AKAP4: variants seen among roughly 807,000 people sequenced by gnomAD.
The protein encoded by AKAP4 is A-kinase anchoring protein 4.
In AKAP4, 4 loss-of-function variants were observed where a neutral mutation model predicts 42.6. The ratio of observed to expected loss-of-function variants is 0.09; its 90% CI spans 0.05 to 0.22. AKAP4 has a LOEUF of 0.22. Ranked by LOEUF, AKAP4 falls within the 10% of genes least tolerant of loss-of-function variation. AKAP4 has a pLI of 1.00. For synonymous variants in AKAP4, 223 were observed against 233.0 expected, an observed-to-expected ratio of 0.96 and a Z score of 0.39; for missense variants, 551 against 630.7, an observed-to-expected ratio of 0.87 and a Z score of 1.35.
rs1196588116 is a variant in AKAP4, at chrX:50,193,373, G to A, written c.1340C>T (p.Ser447Leu). ...GGACCCAGCTTTTAAAGATGCATATGACAGACTCTGAGACTTAGTCTCCTT... is the reference window on the plus strand; with the variant it reads ...GGACCCAGCTTTTAAAGATGCATATAACAGACTCTGAGACTTAGTCTCCTT... ...EEKETKSQSLSYASLKAGSHD... is the reference protein window; with the variant it reads ...EEKETKSQSLLYASLKAGSHD... The change falls in exon 5 of 6, where the codon TCA becomes TTA. Residue 447 changes from serine to leucine, a missense_variant. Ser to Leu is a moderately radical substitution (Grantham distance 145). Coordinates refer to ENST00000358526, the MANE Select transcript of AKAP4 (RefSeq NM_003886.3). 1 of 1,209,621 alleles carries A rather than the reference G, an allele frequency of 8.3e-7. No individual in the cohort carries two copies. Among genetic ancestry groups the A allele is most frequent in the Non-Finnish European group, 1.1e-6 (1 of 895,106 alleles).
intron 4 of AKAP4, 79 bp downstream of exon 4, chrX:50,196,812 C>T: frequency 1.4e-6 from 1 of 704,521 alleles, no homozygotes; most frequent in Non-Finnish European, 2.2e-6. Context: ...AGTGTCTTAC[C>T]ATGTCTGATC....
In AKAP4 at chrX:50,200,890, G is replaced by A. The variant is rs1935256851; in HGVS notation, c.-1C>T. 3.3e-6 allele frequency: 4 copies of A among 1,207,261 alleles called. No homozygotes were observed. The highest frequency in any genetic ancestry group is 2.3e-4 in the Middle Eastern group (1 of 4,337). Reference sequence around the variant, plus strand: ...TTGTAGTATCAGAGTACGCCATCATGTAGGACCCTGGAATGATGTTTTCTT... The same window carrying A: ...TTGTAGTATCAGAGTACGCCATCATATAGGACCCTGGAATGATGTTTTCTT... On this transcript the variant is annotated 5_prime_UTR_variant, in exon 1 of 6. Coordinates refer to ENST00000358526, the MANE Select transcript of AKAP4 (RefSeq NM_003886.3).
At chrX:50,191,659 T>TGAGAGAAA (rs1557203613) in intron 5 of AKAP4, among the ~76,000 whole-genome samples, 6 of 43,628 alleles carry the variant, frequency 1.4e-4, no homozygotes, top group African/African-American at 4.4e-4. Flanking sequence ...TGTGTGTGTG[T>TGAGAGAAA]GAGAGAGAGA....
At chrX:50,195,275 A>G (rs1405794602) in intron 4 of AKAP4, among the ~76,000 whole-genome samples, 2 of 112,053 alleles carry the variant, frequency 1.8e-5, no homozygotes, top group African/African-American at 3.2e-5. Flanking sequence ...ATATTTGACC[A>G]TGTGTATGTC....
chrX:50,194,166 T>C lies in AKAP4; in HGVS notation c.547A>G (p.Lys183Glu), dbSNP rs781947711. ...GGACTTTGATTATTGTTGGTGTTTT[T>C]AGCTGCTGTCATTTCTAGACGTAGG... ...QNLRLEMTAAKNTNNNQSPSA... is the reference protein window; with the variant it reads ...QNLRLEMTAAENTNNNQSPSA... Residue 183 changes from lysine to glutamate, a missense_variant, in exon 5 of 6, where the codon AAA (lysine) becomes GAA (glutamate). Lys to Glu is a moderately conservative substitution (Grantham distance 56). Transcript: ENST00000358526. The C allele has an allele frequency of 3.3e-6, 4 of 1,209,961 alleles. No homozygotes were observed. The highest frequency in any genetic ancestry group is 1.7e-5 in the African/African-American group (1 of 57,149).
At chrX:50,198,491 T>G (rs782720932) in intron 2 of AKAP4, among the ~76,000 whole-genome samples, 166 bp downstream of exon 2, 31 of 110,710 alleles carry the variant, frequency 2.8e-4, no homozygotes, top group Non-Finnish European at 5.5e-4. Flanking sequence ...TTGATTTTTA[T>G]CTCTGTGTGA....
In AKAP4 at chrX:50,191,005, C is replaced by T. The variant is rs1935100433; in HGVS notation, c.2520G>A (p.Lys840=). ...AGTCCAGCAACTGTTTCCTGGCCAC[C>T]TTTCCCACAGCTTCATCTGGTTGCC... ...KERQPDEAVG[K]VARKQLLDWL... Residue 840 remains lysine, a synonymous_variant, in exon 6 of 6, where the codon AAG becomes AAA. Transcript: ENST00000358526. 8.3e-7 allele frequency: 1 copy of T among 1,211,290 alleles called. No homozygotes were observed. Among genetic ancestry groups the T allele is most frequent in the African/African-American group, 1.7e-5 (1 of 57,656 alleles).
chrX:50,199,972 A>G (rs1935242647), intron 1 of AKAP4, among the ~76,000 whole-genome samples: 2 of 98,992 alleles, frequency 2.0e-5, no homozygotes, highest in Non-Finnish European at 4.0e-5. Flanking sequence ...TGATAATACT[A>G]CATTCCTGCT....
Position 50,193,351 on chromosome X carries a change from C to A in AKAP4, c.1362G>T (p.Gly454=). 1.7e-6 allele frequency: 2 copies of A among 1,211,375 alleles called. No homozygotes were observed. Among genetic ancestry groups the A allele is most frequent in the Non-Finnish European group, 2.2e-6 (2 of 895,482 alleles). The change falls in exon 5 of 6, where the codon GGG becomes GGT. Residue 454 remains glycine (G), a synonymous_variant. Transcript: ENST00000358526. ...GATTCCTGCATTTGGGATCATGGGA[C>A]CCAGCTTTTAAAGATGCATATGACA... ...QSLSYASLKA[G]SHDPKCRNQS...
chrX:50,196,692 A>G (rs1272554586), intron 4 of AKAP4, among the ~76,000 whole-genome samples, 199 bp downstream of exon 4: 1 of 111,739 alleles, frequency 8.9e-6, no homozygotes, highest in Non-Finnish European at 1.9e-5. Context: ...AGCCTCTGTG[A>G]TTAGTGCCAT....
chrX:50,193,241 G>A lies in AKAP4; in HGVS notation c.1472C>T (p.Thr491Ile), dbSNP rs146755588. ...KMKSDPCKSL[T>I]SAEKVGEHIL... ...GTGTTCACCGACTTTCTCAGCACTA[G>A]TCAGTGACTTGCATGGGTCTGATTT... The change falls in exon 5 of 6, where the codon ACT becomes ATT. Residue 491 changes from threonine to isoleucine, a missense_variant. Coordinates refer to ENST00000358526, the MANE Select transcript of AKAP4 (RefSeq NM_003886.3). 6 of 1,209,976 alleles carry A rather than the reference G, an allele frequency of 5.0e-6. No individual in the cohort carries two copies. The highest frequency in any genetic ancestry group is 2.3e-4 in the Middle Eastern group (1 of 4,374).
In AKAP4 at chrX:50,190,938, T is replaced by A; in HGVS notation, c.*22A>T. On this transcript the variant is annotated 3_prime_UTR_variant, in exon 6 of 6. Coordinates refer to ENST00000358526, the MANE Select transcript of AKAP4 (RefSeq NM_003886.3). ...TGGAATGCTGCTAGGGGGGCTAAGA[T>A]GAAGAGGAGTCAAGGATCAGCTCAC... 1 of 1,208,571 alleles carries A rather than the reference T, an allele frequency of 8.3e-7. No homozygotes were observed. Among genetic ancestry groups the A allele is most frequent in the Non-Finnish European group, 1.1e-6 (1 of 894,250 alleles).
Position 50,193,849 on chromosome X carries a change from G to A in AKAP4, c.864C>T (p.Gly288=), listed in dbSNP as rs782466090. 5 of 1,211,687 alleles carry A rather than the reference G, an allele frequency of 4.1e-6. No individual in the cohort carries two copies. Among genetic ancestry groups the A allele is most frequent in the Non-Finnish European group, 5.6e-6 (5 of 895,514 alleles). ...AVELTAAEMR[G]TGEESREGGQ... ...CACCTTCCCTGGACTCCTCTCCAGT[G>A]CCACGCATTTCTGCAGCTGTCAGTT... The change falls in exon 5 of 6, where the codon GGC becomes GGT. Residue 288 remains glycine, a synonymous_variant. Transcript: ENST00000358526.
At chrX:50,196,349 G>A (rs1341982782) in intron 4 of AKAP4, among the ~76,000 whole-genome samples, 3 of 111,639 alleles carry the variant, frequency 2.7e-5, no homozygotes, top group Non-Finnish European at 5.6e-5. Context: ...ATGCTCCAGT[G>A]CCCTCCCAAA....
chrX:50,200,872 A>G lies in AKAP4; in HGVS notation c.18T>C (p.Asp6=), dbSNP rs1176004140. MMAYS[D]TTMMSDDIDW... ...AGTCAGATGTCCCTACCATTGTAGT[A>G]TCAGAGTACGCCATCATGTAGGACC... Residue 6 remains aspartate (D), a synonymous_variant, in exon 1 of 6, where the codon GAT becomes GAC. Coordinates refer to ENST00000358526, the MANE Select transcript of AKAP4 (RefSeq NM_003886.3). The G allele has an allele frequency of 3.3e-6, 4 of 1,207,367 alleles. No homozygotes were observed. The highest frequency in any genetic ancestry group is 3.5e-5 in the African/African-American group (2 of 57,193).
chrX:50,196,071 T>G (rs1439923715), intron 4 of AKAP4, among the ~76,000 whole-genome samples: 2 of 112,113 alleles, frequency 1.8e-5, no homozygotes, highest in Non-Finnish European at 1.9e-5. Flanking sequence ...TAATGCCAGG[T>G]ATAATTTATC....
chrX:50,200,816 A>G (rs782332617), intron 1 of AKAP4, 47 bp downstream of exon 1: 5 of 1,162,263 alleles, frequency 4.3e-6, no homozygotes, highest in Non-Finnish European at 5.9e-6. Context: ...TCACCTCACC[A>G]TTAAGATGCC....
rs782610795 is a variant in AKAP4 at position 50,193,691 on chromosome X, G to A, written c.1022C>T (p.Ala341Val). The change falls in exon 5 of 6, where the codon GCA becomes GTA. Residue 341 changes from alanine to valine, a missense_variant. By Grantham distance (64) the Ala-to-Val change is moderately conservative (BLOSUM62 0). Coordinates refer to ENST00000358526, the MANE Select transcript of AKAP4 (RefSeq NM_003886.3). ...KGLMVYANQVASDMMVSLMKT... is the reference protein window; with the variant it reads ...KGLMVYANQVVSDMMVSLMKT... ...CATGAGAGAGACCATCATGTCAGAT[G>A]CCACCTGATTTGCATAAACCATGAG... is the stretch of plus-strand genomic sequence containing the variant. 1 of 1,211,575 alleles carries A rather than the reference G, an allele frequency of 8.3e-7. No individual in the cohort carries two copies. The highest frequency in any genetic ancestry group is 1.1e-6 in the Non-Finnish European group (1 of 895,449).
At chrX:50,191,657 T>A (rs1557203600) in intron 5 of AKAP4, among the ~76,000 whole-genome samples, 1,486 of 46,142 alleles carry the variant, frequency 0.032, 5 homozygotes, top group South Asian at 0.053. Flanking sequence ...TGTGTGTGTG[T>A]GTGAGAGAGA....
Sources: allele counts gnomAD v4.1 joint callset (sites outside exome capture counted in the v4.1 genomes callset), GRCh38; gene constraint gnomAD v4.1.1; transcripts MANE v1.5; gene names NCBI Gene and HGNC (gene_info 2026-07-23, HGNC 2026-07-21).